The following H6PD variants were observed in gnomAD, a reference collection of about 807,000 sequenced individuals.
The protein encoded by H6PD is GDH/6PGL endoplasmic bifunctional protein.
A neutral mutation model predicts 61.2 loss-of-function variants in H6PD; 48 were observed. The observed-to-expected ratio is 0.78, with a 90% CI of 0.62 to 1.00. The LOEUF (loss-of-function observed/expected upper bound fraction) is 1.00. Ranked by LOEUF, H6PD falls within the 50% of genes least tolerant of loss-of-function variation. The probability of loss-of-function intolerance (pLI) is 0.00; values close to 1 mark genes in which losing one functional copy is unlikely to be tolerated. For missense variants in H6PD, 1,093 were observed against 1,065.0 expected (o/e 1.03, Z -0.37); for synonymous variants, 480 against 457.9 (o/e 1.05, Z -0.62).
chr1:9,247,885 A>G (rs1557739802), intron 3 of H6PD, among the ~76,000 whole-genome samples: 1 of 152,230 alleles, frequency 6.6e-6, no homozygotes, highest in Non-Finnish European at 1.5e-5. Context: ...TTGACCGTGA[A>G]GATGTAAAGC....
intron 3 of H6PD, among the ~76,000 whole-genome samples, chr1:9,261,287 C>T (rs998192715): frequency 2.6e-5 from 4 of 152,178 alleles, no homozygotes; most frequent in Non-Finnish European, 5.9e-5. Context: ...CCTCTCCAGC[C>T]TCACCGCTGT....
intron 1 of H6PD, chr1:9,240,037 G>C: frequency 8.2e-7 from 1 of 1,225,748 alleles, no homozygotes. Context: ...CTCCCAGGAT[G>C]ACTCGTAGGA....
rs181511829 is a variant in H6PD, at chr1:9,261,144, C to A, written c.746-915C>A. ...CCTGCATCTGCACCCATTCTCCCCC[C>A]AAGACCAGGGGTCGATCCCCAATAT... On this transcript the variant is annotated intron_variant, in intron 3 of 4. Coordinates refer to ENST00000377403, the MANE Select transcript of H6PD (RefSeq NM_004285.4). Among the ~76,000 whole-genome samples, 659 of 152,310 alleles carry A rather than the reference C, an allele frequency of 4.3e-3. 19 individuals carry two copies. The highest frequency in any genetic ancestry group is 0.04 in the Admixed American group (609 of 15,312).
chr1:9,265,279 G>A lies in H6PD; in HGVS notation c.*410G>A. 1 of 354,600 alleles carries A rather than the reference G, an allele frequency of 2.8e-6. No individual in the cohort carries two copies. 22.0% of individuals were successfully genotyped at this position (354,600 alleles called of 1,614,324 possible). On this transcript the variant is annotated 3_prime_UTR_variant, in exon 5 of 5. Transcript: ENST00000377403. The stretch of plus-strand genomic sequence containing the variant: ...TCCTGGGGGAGGTGATCCTTGAACT[G>A]GCTCCCGGGGAACATTCAGAGCATG...
At chr1:9,250,166 G>T (rs1249758128) in intron 3 of H6PD, among the ~76,000 whole-genome samples, 1 of 152,176 alleles carries the variant, frequency 6.6e-6, no homozygotes, top group East Asian at 1.9e-4. Context: ...GCACAGCAAG[G>T]CCTAGGCTGC....
chr1:9,260,807 C>T (rs1183677250), intron 3 of H6PD, among the ~76,000 whole-genome samples: 1 of 151,948 alleles, frequency 6.6e-6, no homozygotes, highest in Non-Finnish European at 1.5e-5. Flanking sequence ...TCACAGTTAC[C>T]CCGTACACCT....
Position 9,264,534 on chromosome 1 carries a change from G to A in H6PD, c.2041G>A (p.Val681Met). Residue 681 changes from valine to methionine, a missense_variant, in exon 5 of 5, where the codon GTG becomes ATG. Physicochemically the swap from Val to Met is conservative, Grantham distance 21 (BLOSUM62 1). Coordinates refer to ENST00000377403, the MANE Select transcript of H6PD (RefSeq NM_004285.4). ...CTATGCCAGGGAGATCTCAGCCCTG[G>A]TGGCCAACAGCAGCTTCGACCTGGT... ...QIYAREISAL[V>M]ANSSFDLVLL... is the part of the protein sequence containing the mutation. 2 of 1,613,306 alleles carry A rather than the reference G, an allele frequency of 1.2e-6. No individual in the cohort carries two copies. Among genetic ancestry groups the A allele is most frequent in the Non-Finnish European group, 8.5e-7 (1 of 1,179,926 alleles).
Position 9,266,378 on chromosome 1 carries a change from G to A in H6PD, c.*1509G>A, listed in dbSNP as rs1313427193. ...GGTATCTTCTCAGTGAGCATAGGTTGGGGACTGTGATCTTGAGAAGCCATG... is the reference window on the plus strand; with the variant it reads ...GGTATCTTCTCAGTGAGCATAGGTTAGGGACTGTGATCTTGAGAAGCCATG... On this transcript the variant is annotated 3_prime_UTR_variant, in exon 5 of 5. Coordinates refer to ENST00000377403, the MANE Select transcript of H6PD (RefSeq NM_004285.4). The A allele has an allele frequency of 6.6e-6, 1 of 152,252 alleles. No homozygotes were observed. The highest frequency in any genetic ancestry group is 2.4e-5 in the African/African-American group (1 of 41,472). The allele number at this position is 152,252 out of a possible 1,614,324, so 9.4% of individuals were successfully genotyped here.
At chr1:9,256,555 C>T (rs1321417955) in intron 3 of H6PD, among the ~76,000 whole-genome samples, 1 of 152,208 alleles carries the variant, frequency 6.6e-6, no homozygotes, top group Non-Finnish European at 1.5e-5. Flanking sequence ...CACCACCAAC[C>T]TGGTCAGGGC....
intron 3 of H6PD, 116 bp from the exon 4 acceptor site, chr1:9,261,943 C>T (rs1000477485): frequency 2.9e-6 from 3 of 1,049,258 alleles, no homozygotes; most frequent in Non-Finnish European, 4.4e-6. Context: ...GCCCTGTGGA[C>T]TGGGGGAAGA....
At position 9,264,617 on chromosome 1, in the gene H6PD, T is replaced by C. The variant is rs1469026866; in HGVS notation, c.2124T>C (p.Thr708=). Residue 708 remains threonine, a synonymous_variant, in exon 5 of 5, where the codon ACT becomes ACC. Transcript: ENST00000377403. ...HTASLFPQSP[T]GLDGEQLVVL... is the part of the protein sequence containing the mutation. ...CCTCCCTCTTCCCACAGTCACCCACTGGCCTGGATGGCGAGCAGCTGGTCG... is the reference window on the plus strand; with the variant it reads ...CCTCCCTCTTCCCACAGTCACCCACCGGCCTGGATGGCGAGCAGCTGGTCG... 2.5e-6 allele frequency: 4 copies of C among 1,613,080 alleles called. No homozygotes were observed. Among genetic ancestry groups the C allele is most frequent in the Middle Eastern group, 1.7e-4 (1 of 6,060 alleles).
intron 3 of H6PD, among the ~76,000 whole-genome samples, chr1:9,258,958 G>A (rs1424777888): frequency 1.3e-5 from 2 of 152,168 alleles, no homozygotes; most frequent in East Asian, 1.9e-4. Context: ...CGATGATGGT[G>A]TTATGTTGCT....
chr1:9,236,490 C>G (rs1640851840), intron 1 of H6PD, among the ~76,000 whole-genome samples: 1 of 152,166 alleles, frequency 6.6e-6, no homozygotes, highest in African/African-American at 2.4e-5. Flanking sequence ...AACCCCGTCT[C>G]TACTAAAAAT....
rs1024415965 is a variant in H6PD at position 9,254,468 on chromosome 1, C to T, written c.745+7385C>T. ...CTGTACCACCATTCAAGGATCCAGCCAGTCACCAAGTAGTTTGTATTCATC... is the reference window on the plus strand; with the variant it reads ...CTGTACCACCATTCAAGGATCCAGCTAGTCACCAAGTAGTTTGTATTCATC... On this transcript the variant is annotated intron_variant, in intron 3 of 4. Coordinates refer to ENST00000377403, the MANE Select transcript of H6PD (RefSeq NM_004285.4). The surrounding 1 kb of genome is among the most constrained non-coding windows in gnomAD (Gnocchi z 4.6). Among the ~76,000 whole-genome samples, 3 of 152,220 alleles carry T rather than the reference C, an allele frequency of 2.0e-5. No individual in the cohort carries two copies. Among genetic ancestry groups the T allele is most frequent in the Admixed American group, 2.0e-4 (3 of 15,286 alleles).
chr1:9,243,880 A>AG (rs1238589282), intron 1 of H6PD, among the ~76,000 whole-genome samples: 8 of 85,728 alleles, frequency 9.3e-5, no homozygotes, highest in East Asian at 8.1e-4. Flanking sequence ...GGGCGGTGGG[A>AG]GGGGGGGTCT....
In H6PD at chr1:9,265,073, C is replaced by A; in HGVS notation, c.*204C>A. ...GTGTATTGGTGGATAGATGCAGAAA[C>A]AAGGAAGAAATGGAGTCTGCTCCTG... On this transcript the variant is annotated 3_prime_UTR_variant, in exon 5 of 5. Transcript: ENST00000377403. 1 of 636,718 alleles carries A rather than the reference C, an allele frequency of 1.6e-6. No homozygotes were observed. Among genetic ancestry groups the A allele is most frequent in the Non-Finnish European group, 2.8e-6 (1 of 356,664 alleles). The allele number at this position is 636,718 out of a possible 1,614,324, so 39.4% of individuals were successfully genotyped here.
chr1:9,254,928 C>G lies in H6PD; in HGVS notation c.746-7131C>G, dbSNP rs1005565742. Among the ~76,000 whole-genome samples, 2 of 152,198 alleles carry G rather than the reference C, an allele frequency of 1.3e-5. No homozygotes were observed. Among genetic ancestry groups the G allele is most frequent in the Non-Finnish European group, 2.9e-5 (2 of 68,038 alleles). ...CATTCTCTCTGCGGGGTTGCCTGTT[C>G]TGGATATTTTGTACATATAGGATCA... is the stretch of plus-strand genomic sequence containing the variant. On this transcript the variant is annotated intron_variant, in intron 3 of 4. Transcript: ENST00000377403. This position sits in a 1 kb window ranked among gnomAD's most constrained non-coding sequence, Gnocchi z 4.6.
In H6PD at chr1:9,263,526, G is replaced by A; in HGVS notation, c.1033G>A (p.Asp345Asn). The change falls in exon 5 of 5, where the codon GAC becomes AAC. Residue 345 changes from aspartate to asparagine, a missense_variant. By Grantham distance (23) the Asp-to-Asn change is conservative. Coordinates refer to ENST00000377403, the MANE Select transcript of H6PD (RefSeq NM_004285.4). ...CACCCCAGCCGTCCTAGTGCACATT[G>A]ACAACCTTCGCTGGGAGGGCGTGCC... is the stretch of plus-strand genomic sequence containing the variant. ...PTFAAVLVHI[D>N]NLRWEGVPFI... 6.2e-7 allele frequency: 1 copy of A among 1,614,192 alleles called. No individual in the cohort carries two copies. Among genetic ancestry groups the A allele is most frequent in the Non-Finnish European group, 8.5e-7 (1 of 1,180,028 alleles).
rs1175914957 is a variant in H6PD at position 9,267,446 on chromosome 1, G to A, written c.*2577G>A. 6 of 152,284 alleles carry A rather than the reference G, an allele frequency of 3.9e-5. No homozygotes were observed. Among genetic ancestry groups the A allele is most frequent in the Admixed American group, 3.9e-4 (6 of 15,284 alleles). The allele number at this position is 152,284 out of a possible 1,614,324, so 9.4% of individuals were successfully genotyped here. On this transcript the variant is annotated 3_prime_UTR_variant, in exon 5 of 5. Transcript: ENST00000377403. ...TCCTCTCCAGTTGCAACACCAGGGA[G>A]AAAGGGGCCTCCACATGCCCAAGTA...
Sources: allele counts gnomAD v4.1 joint callset (sites outside exome capture counted in the v4.1 genomes callset), GRCh38; gene constraint gnomAD v4.1.1; non-coding constraint Gnocchi (gnomAD v3.1); transcripts MANE v1.5; gene names NCBI Gene and HGNC (gene_info 2026-07-23, HGNC 2026-07-21).